SLIT3: variants seen among roughly 807,000 people sequenced by gnomAD.
SLIT3 encodes the protein slit homolog 3 protein.
Under a neutral mutation model 184.0 loss-of-function variants are expected in SLIT3, and 68 were observed. The ratio of observed to expected loss-of-function variants is 0.37; its 90% CI spans 0.30 to 0.45. SLIT3 has a LOEUF of 0.45. Ranked by LOEUF, SLIT3 falls within the 20% of genes least tolerant of loss-of-function variation. SLIT3 has a pLI of 1.00. For missense variants in SLIT3, 1,707 were observed against 2,026.0 expected (o/e 0.84, Z 3.02); for synonymous variants, 831 against 828.6 (o/e 1.00, Z -0.05).
chr5:169,178,529 C>T (rs1237836814), intron 4 of SLIT3, among the ~76,000 whole-genome samples: 1 of 152,178 alleles, frequency 6.6e-6, no homozygotes, highest in Non-Finnish European at 1.5e-5. Flanking sequence ...CTTCCAGCTG[C>T]TTTGGGAGGA....
chr5:169,130,524 G>A (rs992329032), intron 4 of SLIT3, among the ~76,000 whole-genome samples: 1 of 152,170 alleles, frequency 6.6e-6, no homozygotes, highest in African/African-American at 2.4e-5. Context: ...TGACAGAGCT[G>A]TTGCAGGTGT....
At chr5:169,217,968 C>G (rs759537038) in intron 3 of SLIT3, among the ~76,000 whole-genome samples, 4 of 152,218 alleles carry the variant, frequency 2.6e-5, no homozygotes, top group Non-Finnish European at 5.9e-5. Flanking sequence ...AGACCTTTCA[C>G]AGAAAGCGAG....
At chr5:168,746,892 TGTGTGGTGTGTGA>T (rs1264087401) in intron 20 of SLIT3, among the ~76,000 whole-genome samples, 1 of 45,076 alleles carries the variant, frequency 2.2e-5, no homozygotes, top group African/African-American at 1.3e-4. Context: ...TGTGTGGTGG[TGTGTGGTGTGTGA>T]GTGTGGTGGT....
At chr5:169,164,999 A>G (rs559423630) in intron 4 of SLIT3, among the ~76,000 whole-genome samples, 10 of 152,348 alleles carry the variant, frequency 6.6e-5, no homozygotes, top group Admixed American at 3.3e-4. Flanking sequence ...CTCATCTTTC[A>G]AACAGTAATG....
Position 168,883,284 on chromosome 5 carries a change from T to C in SLIT3, c.466A>G (p.Ile156Val), listed in dbSNP as rs763197765. ...QGIPRKAFRG[I>V]TDVKNLQLDN... ...ACTTACAGGTTCTTCACATCGGTGA[T>C]GCCGCGGAACGCCTTCCTCGGGATC... The change falls in exon 5 of 36, where the codon ATC becomes GTC. Residue 156 changes from isoleucine (I) to valine (V), a missense_variant. Physicochemically the swap from Ile to Val is conservative, Grantham distance 29. Transcript: ENST00000519560. The C allele has an allele frequency of 5.6e-6, 9 of 1,614,160 alleles. No homozygotes were observed. The South Asian group carries it at 8.8e-5, about 16-fold the overall frequency.
At chr5:168,877,829 A>G (rs1759790039) in intron 5 of SLIT3, among the ~76,000 whole-genome samples, 1 of 152,078 alleles carries the variant, frequency 6.6e-6, no homozygotes, top group Non-Finnish European at 1.5e-5. Flanking sequence ...AGAGGAAAAC[A>G]TAACTGCTGA....
At chr5:169,052,189 C>T (rs776594376) in intron 4 of SLIT3, among the ~76,000 whole-genome samples, 1 of 152,156 alleles carries the variant, frequency 6.6e-6, no homozygotes, top group South Asian at 2.1e-4. Flanking sequence ...CTCCTTCACC[C>T]ACATGGAAAC....
chr5:169,140,854 C>T (rs931267189), intron 4 of SLIT3, among the ~76,000 whole-genome samples: 3 of 152,148 alleles, frequency 2.0e-5, no homozygotes, highest in Middle Eastern at 3.2e-3. Context: ...CTCTCCCATT[C>T]AAAACCTCAG....
intron 5 of SLIT3, among the ~76,000 whole-genome samples, chr5:168,876,621 C>T (rs1759742327): frequency 1.3e-5 from 2 of 152,220 alleles, no homozygotes; most frequent in Admixed American, 6.5e-5. Context: ...ATGCATCCTT[C>T]AAGACCCAAC....
intron 4 of SLIT3, among the ~76,000 whole-genome samples, chr5:168,952,251 G>A (rs1762672630): frequency 6.6e-6 from 1 of 152,204 alleles, no homozygotes; most frequent in African/African-American, 2.4e-5. Flanking sequence ...ATAGGATGCT[G>A]TGGGCATAAA....
chr5:168,900,492 G>C lies in SLIT3; in HGVS notation c.414-17156C>G, dbSNP rs551948025. On this transcript the variant is annotated intron_variant, in intron 4 of 35. Coordinates refer to ENST00000519560, the MANE Select transcript of SLIT3 (RefSeq NM_003062.4). ...TAGCTGGGTATAGTGGTATGTGCCTGTAGTCCCAGCTACACAAGAGGTGGA... is the reference window on the plus strand; with the variant it reads ...TAGCTGGGTATAGTGGTATGTGCCTCTAGTCCCAGCTACACAAGAGGTGGA... 2.1e-3 allele frequency among the ~76,000 whole-genome samples: 327 copies of C among 152,236 alleles called. 3 individuals carry two copies. Among genetic ancestry groups the C allele is most frequent in the African/African-American group, 7.5e-3 (313 of 41,532 alleles).
At position 169,272,853 on chromosome 5, in the gene SLIT3, C is replaced by T. The variant is rs77682755; in HGVS notation, c.198-21394G>A. Among the ~76,000 whole-genome samples the T allele has an allele frequency of 3.9e-3, 592 of 152,280 alleles. 5 individuals carry two copies. The East Asian group carries it at 0.048, about 12-fold the overall frequency. Reference sequence around the variant, plus strand: ...CCCCGGGACCTGGGCTGAGTGCACACGCGCAAGCACCAGCCCTTTCCCCTT... The same window carrying T: ...CCCCGGGACCTGGGCTGAGTGCACATGCGCAAGCACCAGCCCTTTCCCCTT... On this transcript the variant is annotated intron_variant, in intron 1 of 35. Coordinates refer to ENST00000519560, the MANE Select transcript of SLIT3 (RefSeq NM_003062.4).
intron 1 of SLIT3, among the ~76,000 whole-genome samples, chr5:169,254,552 A>T (rs1383065430): frequency 6.6e-6 from 1 of 152,108 alleles, no homozygotes; most frequent in African/African-American, 2.4e-5. Context: ...GAACTTGAGC[A>T]GGCTTTGAGA....
At chr5:168,683,889 C>T (rs559364634) in intron 32 of SLIT3, 77 bp downstream of exon 32, 3 of 1,331,084 alleles carry the variant, frequency 2.3e-6, no homozygotes, top group African/African-American at 3.0e-5. Context: ...TCCTGAATCC[C>T]CCTTCTGAGT....
intron 4 of SLIT3, among the ~76,000 whole-genome samples, chr5:169,079,546 A>G (rs1361472200): frequency 2.9e-5 from 3 of 102,744 alleles, no homozygotes; most frequent in South Asian, 4.4e-4. Flanking sequence ...AGGAGGAAGA[A>G]GGAGGAAGAA....
intron 20 of SLIT3, among the ~76,000 whole-genome samples, chr5:168,734,084 C>T (rs757757987): frequency 6.6e-6 from 1 of 152,146 alleles, no homozygotes; most frequent in Non-Finnish European, 1.5e-5. Context: ...GCACAATGTT[C>T]AGTATTTGGG....
intron 4 of SLIT3, among the ~76,000 whole-genome samples, chr5:168,924,917 C>T (rs558084372): frequency 6.6e-6 from 1 of 152,262 alleles, no homozygotes; most frequent in South Asian, 2.1e-4. Context: ...AAAGAAAGAA[C>T]GCATCCCTGA....
chr5:169,283,685 C>T (rs1309611030), intron 1 of SLIT3, among the ~76,000 whole-genome samples: 1 of 152,144 alleles, frequency 6.6e-6, no homozygotes, highest in Non-Finnish European at 1.5e-5. Flanking sequence ...ACATGATGAT[C>T]CCAAAGTCAA....
chr5:168,725,906 C>G (rs1256810034), intron 20 of SLIT3, among the ~76,000 whole-genome samples: 1 of 152,202 alleles, frequency 6.6e-6, no homozygotes, highest in Non-Finnish European at 1.5e-5. Flanking sequence ...CACATTGGAA[C>G]GTGCATTATC....
Sources: allele counts gnomAD v4.1 joint callset (sites outside exome capture counted in the v4.1 genomes callset), GRCh38; gene constraint gnomAD v4.1.1; transcripts MANE v1.5; gene names NCBI Gene and HGNC (gene_info 2026-07-23, HGNC 2026-07-21).